ITGAM: variants seen among roughly 807,000 people sequenced by gnomAD.
ITGAM encodes the protein integrin alpha-M.
In ITGAM, 79 loss-of-function variants were observed where a neutral mutation model predicts 137.5. The observed-to-expected ratio is 0.57, with a 90% confidence interval of 0.48 to 0.69. The LOEUF (loss-of-function observed/expected upper bound fraction) is 0.69, where lower values mean the gene tolerates loss of function less well. Ranked by LOEUF, ITGAM falls within the 30% of genes least tolerant of loss-of-function variation. The probability of loss-of-function intolerance (pLI) is 0.00; values close to 1 mark genes in which losing one functional copy is unlikely to be tolerated. For synonymous variants in ITGAM, 583 were observed against 592.3 expected (o/e 0.98, Z 0.23); for missense variants, 1,343 against 1,483.5 (o/e 0.91, Z 1.56).
chr16:31,307,218 A>G (rs1469296643), intron 14 of ITGAM, among the ~76,000 whole-genome samples: 1 of 152,104 alleles, frequency 6.6e-6, no homozygotes, highest in African/African-American at 2.4e-5. Context: ...ATGGCATTGA[A>G]TCTATAAATT....
At chr16:31,328,630 GGT>G (rs1424274518) in intron 23 of ITGAM, among the ~76,000 whole-genome samples, 1 of 143,104 alleles carries the variant, frequency 7.0e-6, no homozygotes, top group Non-Finnish European at 1.5e-5. Flanking sequence ...TCTGGGCATG[GGT>G]GTGTGTGCAT....
intron 3 of ITGAM, 56 bp downstream of exon 3, chr16:31,265,554 C>A: frequency 8.5e-7 from 1 of 1,175,622 alleles, no homozygotes; most frequent in Non-Finnish European, 1.2e-6. Flanking sequence ...CACATAGGGA[C>A]TTTCCAGGCA....
rs1166620335 is a variant in ITGAM at position 31,324,322 on chromosome 16, G to A, written c.2003-77G>A. ...CCAAGTCACACAGCTGAGAAGCAGA[G>A]GAGCTGGGCCTTGAACTCCCATCTG... On this transcript the variant is annotated intron_variant, in intron 16 of 29. Coordinates refer to ENST00000544665, the MANE Select transcript of ITGAM (RefSeq NM_000632.4). The surrounding 1 kb of genome is among the most constrained non-coding windows in gnomAD (Gnocchi z 4.5). The A allele has an allele frequency of 2.4e-6, 3 of 1,242,248 alleles. No homozygotes were observed. The highest frequency in any genetic ancestry group is 1.3e-5 in the South Asian group (1 of 76,210). 77.0% of individuals were successfully genotyped at this position (1,242,248 alleles called of 1,614,324 possible). A position where few individuals can be genotyped will look rare whatever the true frequency, so the allele number is the denominator to read the frequency against.
intron 7 of ITGAM, 56 bp downstream of exon 7, chr16:31,272,048 C>T (rs891942894): frequency 6.2e-7 from 1 of 1,604,452 alleles, no homozygotes; most frequent in Non-Finnish European, 8.5e-7. Context: ...TTTAGCTGGG[C>T]TTTGATGGAT....
chr16:31,328,873 T>C (rs1567282707), intron 23 of ITGAM: 12 of 416,594 alleles, frequency 2.9e-5, no homozygotes, highest in Non-Finnish European at 4.0e-5. Flanking sequence ...TATGTGCATG[T>C]ATGTGTGCAT....
At chr16:31,275,735 G>A (rs1349894681) in intron 9 of ITGAM, 36 bp downstream of exon 9, 1 of 1,610,796 alleles carries the variant, frequency 6.2e-7, no homozygotes. Flanking sequence ...AGCAGCTCCA[G>A]AGGCAGCCCC....
rs377718315 is a variant in ITGAM, at chr16:31,278,118, G to A, written c.1356+9G>A. On this transcript the variant is annotated intron_variant, in intron 12 of 29. Transcript: ENST00000544665. ...ATGTCAAGGGCACCCAGGTGAGTGCGGTTTGTGGAGCATGAATGTGCAAAC... is the reference window on the plus strand; with the variant it reads ...ATGTCAAGGGCACCCAGGTGAGTGCAGTTTGTGGAGCATGAATGTGCAAAC... 4.3e-5 allele frequency: 69 copies of A among 1,602,268 alleles called. No homozygotes were observed. In the South Asian group the frequency reaches 4.4e-4, roughly 10 times the overall value.
intron 1 of ITGAM, among the ~76,000 whole-genome samples, chr16:31,261,198 C>CTTTTTTT (rs1017498448): frequency 3.2e-5 from 4 of 123,234 alleles, no homozygotes; most frequent in African/African-American, 8.7e-5. Context: ...ATGCTGCTAT[C>CTTTTTTT]TTTTTTTTTT....
chr16:31,270,139 T>C (rs1222832014), intron 5 of ITGAM, among the ~76,000 whole-genome samples: 10 of 55,984 alleles, frequency 1.8e-4, no homozygotes, highest in African/African-American at 6.8e-4. Flanking sequence ...CCTCCTTTGC[T>C]TTCCTTTCCT....
chr16:31,270,728 TATATATATATATATA>T (rs1394200671), intron 5 of ITGAM, among the ~76,000 whole-genome samples: 2 of 111,266 alleles, frequency 1.8e-5, no homozygotes, highest in Non-Finnish European at 3.7e-5. Flanking sequence ...TATATATATA[TATATATATATATATA>T]TGTTTTTAAC....
At chr16:31,267,295 C>T (rs984691344) in intron 5 of ITGAM, among the ~76,000 whole-genome samples, 2 of 152,068 alleles carry the variant, frequency 1.3e-5, no homozygotes, top group Non-Finnish European at 2.9e-5. Flanking sequence ...ATGTTTCTCC[C>T]TTGCATTTTT....
At chr16:31,273,588 T>G in intron 8 of ITGAM, 70 bp downstream of exon 8, 1 of 1,473,034 alleles carries the variant, frequency 6.8e-7, no homozygotes, top group Non-Finnish European at 9.4e-7. Context: ...TCCCTTCAAT[T>G]TGCAAATATT....
At chr16:31,309,363 T>C (rs2080298604) in intron 14 of ITGAM, among the ~76,000 whole-genome samples, 1 of 109,070 alleles carries the variant, frequency 9.2e-6, no homozygotes, top group South Asian at 3.7e-4. Flanking sequence ...ATATTTAGGA[T>C]AGTTAGTTCT....
chr16:31,281,370 G>C (rs750696649), intron 12 of ITGAM, among the ~76,000 whole-genome samples: 16 of 152,102 alleles, frequency 1.1e-4, no homozygotes, highest in Non-Finnish European at 2.2e-4. Flanking sequence ...TGGTTGGTAG[G>C]CTATTAATTA....
chr16:31,326,987 C>G, intron 22 of ITGAM, 52 bp downstream of exon 22: 2 of 1,366,114 alleles, frequency 1.5e-6, no homozygotes, highest in Non-Finnish European at 2.1e-6. Flanking sequence ...GACGCCCCAG[C>G]CCCTGGCCCA....
chr16:31,299,777 C>CCCT (rs1330530360), intron 14 of ITGAM, among the ~76,000 whole-genome samples: 4 of 142,270 alleles, frequency 2.8e-5, no homozygotes, highest in African/African-American at 1.1e-4. Flanking sequence ...CCTCCTCCTC[C>CCCT]TCCTCCGCCT....
In ITGAM at chr16:31,332,486, C is replaced by T. The variant is rs761135525; in HGVS notation, c.*779C>T. 4 of 152,228 alleles carry T rather than the reference C, an allele frequency of 2.6e-5. No homozygotes were observed. Among genetic ancestry groups the T allele is most frequent in the Non-Finnish European group, 4.4e-5 (3 of 68,042 alleles). The allele number at this position is 152,228 out of a possible 1,614,324, so 9.4% of individuals were successfully genotyped here. A position where few individuals can be genotyped will look rare whatever the true frequency, so the allele number is the denominator to read the frequency against. On this transcript the variant is annotated 3_prime_UTR_variant, in exon 30 of 30. Coordinates refer to ENST00000544665, the MANE Select transcript of ITGAM (RefSeq NM_000632.4). Reference sequence around the variant, plus strand: ...AAAAATCACAAGGCATTCAAGTGTACAGTGAAAAGTCTCCCTTTCCAGATA... The same window carrying T: ...AAAAATCACAAGGCATTCAAGTGTATAGTGAAAAGTCTCCCTTTCCAGATA...
intron 14 of ITGAM, among the ~76,000 whole-genome samples, chr16:31,307,520 T>C (rs1177977472): frequency 6.6e-6 from 1 of 152,250 alleles, no homozygotes; most frequent in Non-Finnish European, 1.5e-5. Flanking sequence ...TTTGCTGAAG[T>C]TGCTTATCAG....
Position 31,305,073 on chromosome 16 carries a change from T to C in ITGAM, c.1707+7119T>C, listed in dbSNP as rs2144412473. Among the ~76,000 whole-genome samples the C allele has an allele frequency of 2.6e-5, 4 of 152,344 alleles. No individual in the cohort carries two copies. In the Middle Eastern group the frequency reaches 0.01, roughly 389 times the overall value. On this transcript the variant is annotated intron_variant, in intron 14 of 29. Transcript: ENST00000544665. Reference sequence around the variant, plus strand: ...AGTATGGTCATTTTCACAATATTGATTCTTCCTATCCATGAGCATGGGATA... The same window carrying C: ...AGTATGGTCATTTTCACAATATTGACTCTTCCTATCCATGAGCATGGGATA...
Sources: allele counts gnomAD v4.1 joint callset (sites outside exome capture counted in the v4.1 genomes callset), GRCh38; gene constraint gnomAD v4.1.1; non-coding constraint Gnocchi (gnomAD v3.1); transcripts MANE v1.5; gene names NCBI Gene and HGNC (gene_info 2026-07-23, HGNC 2026-07-21).